NAALADL2: variants seen among roughly 807,000 people sequenced by gnomAD.
NAALADL2 encodes N-acetylated alpha-linked acidic dipeptidase like 2.
Under a neutral mutation model 87.2 loss-of-function variants are expected in NAALADL2, and 76 were observed. The ratio of observed to expected loss-of-function variants is 0.87; its 90% CI spans 0.72 to 1.05. NAALADL2 has a LOEUF of 1.05. Among genes scored for constraint, NAALADL2 ranks in the 50% least tolerant of loss-of-function variants. The probability of loss-of-function intolerance (pLI) is 0.00; values close to 1 mark genes in which losing one functional copy is unlikely to be tolerated. For missense variants in NAALADL2, 1,089 were observed against 945.8 expected, an observed-to-expected ratio of 1.15 and a Z score of -1.99; for synonymous variants, 354 against 331.0, an observed-to-expected ratio of 1.07 and a Z score of -0.75.
In NAALADL2 at chr3:174,936,106, A is replaced by G. The variant is rs541831256; in HGVS notation, c.43+76656A>G. 3.4e-4 allele frequency among the ~76,000 whole-genome samples: 51 copies of G among 152,220 alleles called. 3 individuals are homozygous for G. The South Asian group carries it at 0.011, about 32-fold the overall frequency. On this transcript the variant is annotated intron_variant, in intron 1 of 13. Coordinates refer to ENST00000454872, the MANE Select transcript of NAALADL2 (RefSeq NM_207015.3). ...GGTTGAAAAGGGAATTAATAACTTAATAACTGAAATTTCCATTAAACCTAA... is the reference window on the plus strand; with the variant it reads ...GGTTGAAAAGGGAATTAATAACTTAGTAACTGAAATTTCCATTAAACCTAA...
intron 2 of NAALADL2, among the ~76,000 whole-genome samples, chr3:174,603,522 T>C (rs557731757): frequency 3.2e-4 from 48 of 152,092 alleles, no homozygotes; most frequent in African/African-American, 1.0e-3. Flanking sequence ...GGCTATAAGT[T>C]TATCAATTTT....
intron 5 of NAALADL2, among the ~76,000 whole-genome samples, chr3:175,440,280 G>C (rs1719510208): frequency 6.6e-6 from 1 of 152,080 alleles, no homozygotes; most frequent in South Asian, 2.1e-4. Flanking sequence ...CTGTTTTGGT[G>C]ACTATGGCCT....
rs761595467 is a variant in NAALADL2, at chr3:175,447,338, T to C, written c.1200T>C (p.Asn400=). The change falls in exon 6 of 14, where the codon AAT becomes AAC. Residue 400 remains asparagine, a synonymous_variant. Coordinates refer to ENST00000454872, the MANE Select transcript of NAALADL2 (RefSeq NM_207015.3). ...CTTCGCCAAAAGCTAGAACCAAAAA[T>C]GAAGCGTGTAGCTCTCTAGAGCTTC... ...LISSPKARTK[N]EACSSLELPN... is the part of the protein sequence containing the mutation. 6.3e-7 allele frequency: 1 copy of C among 1,598,646 alleles called. No homozygotes were observed.
chr3:175,368,267 A>G (rs1320878080), intron 5 of NAALADL2, among the ~76,000 whole-genome samples: 5 of 152,130 alleles, frequency 3.3e-5, no homozygotes, highest in Non-Finnish European at 5.9e-5. Flanking sequence ...CCAGTATTTT[A>G]TTGAGGATTT....
chr3:175,284,108 G>A (rs912511563), intron 4 of NAALADL2, among the ~76,000 whole-genome samples: 2 of 151,632 alleles, frequency 1.3e-5, no homozygotes, highest in Non-Finnish European at 2.9e-5. Context: ...AAGAAACACA[G>A]TTATAAGTAA....
chr3:174,603,121 C>G (rs1718624592), intron 2 of NAALADL2, among the ~76,000 whole-genome samples: 1 of 151,894 alleles, frequency 6.6e-6, no homozygotes, highest in African/African-American at 2.4e-5. Flanking sequence ...TAATGTGGGC[C>G]TCATATAATG....
chr3:174,789,795 G>A (rs1042627737), intron 3 of NAALADL2, among the ~76,000 whole-genome samples: 2 of 152,182 alleles, frequency 1.3e-5, no homozygotes, highest in African/African-American at 2.4e-5. Flanking sequence ...GCTAAGTGAA[G>A]TAAACCATGG....
At chr3:175,613,047 G>A (rs776136725) in intron 10 of NAALADL2, among the ~76,000 whole-genome samples, 6 of 152,166 alleles carry the variant, frequency 3.9e-5, no homozygotes, top group Non-Finnish European at 5.9e-5. Context: ...AGACTTTGGC[G>A]TGTCTTTCCC....
intron 5 of NAALADL2, among the ~76,000 whole-genome samples, chr3:175,442,433 T>C (rs1719947826): frequency 6.6e-6 from 1 of 152,122 alleles, no homozygotes. Flanking sequence ...CACAACTTAC[T>C]TATTTTAATG....
At chr3:175,237,559 T>A (rs924242171) in intron 3 of NAALADL2, among the ~76,000 whole-genome samples, 1 of 152,192 alleles carries the variant, frequency 6.6e-6, no homozygotes, top group Non-Finnish European at 1.5e-5. Context: ...ATGTTCGATA[T>A]GTTCGGTAGC....
intron 1 of NAALADL2, among the ~76,000 whole-genome samples, chr3:174,914,801 C>T (rs1734165996): frequency 6.6e-6 from 1 of 152,048 alleles, no homozygotes; most frequent in Admixed American, 6.6e-5. Flanking sequence ...GGAGACAAAA[C>T]AAATTTGATG....
chr3:175,624,155 A>T (rs1187250915), intron 10 of NAALADL2, among the ~76,000 whole-genome samples: 1 of 152,074 alleles, frequency 6.6e-6, no homozygotes, highest in African/African-American at 2.4e-5. Context: ...ACTCATATGC[A>T]GAGTTAATAA....
intron 2 of NAALADL2, among the ~76,000 whole-genome samples, chr3:174,648,035 A>C (rs765085364): frequency 3.9e-5 from 6 of 152,354 alleles, no homozygotes; most frequent in Non-Finnish European, 8.8e-5. Context: ...TGTAAATACA[A>C]TAGTCCCCAC....
intron 1 of NAALADL2, among the ~76,000 whole-genome samples, chr3:174,911,450 G>T (rs1325888844): frequency 1.3e-5 from 2 of 152,148 alleles, no homozygotes; most frequent in Non-Finnish European, 1.5e-5. Flanking sequence ...ACATTGGCAT[G>T]AGGCAGTGGA....
intron 5 of NAALADL2, among the ~76,000 whole-genome samples, chr3:175,398,734 G>T (rs1770163129): frequency 6.6e-6 from 1 of 151,844 alleles, no homozygotes; most frequent in Non-Finnish European, 1.5e-5. Flanking sequence ...TTCCACATGG[G>T]TTTCATTTTA....
chr3:175,115,275 TATTGTGAGCATTG>T (rs1724921689), intron 2 of NAALADL2: 1 of 151,786 alleles, frequency 6.6e-6, no homozygotes, highest in African/African-American at 2.4e-5. Context: ...CTTACTTCTT[TATTGTGAGCATTG>T]ATTTGTTATG....
intron 1 of NAALADL2, among the ~76,000 whole-genome samples, chr3:174,916,904 A>ATTTAATTTTTTATTTC: frequency 1.3e-5 from 2 of 152,114 alleles, no homozygotes; most frequent in South Asian, 4.1e-4. Context: ...TTAAAGTGCA[A>ATTTAATTTTTTATTTC]AATATTTTCA....
chr3:175,153,220 C>G (rs1027788224), intron 2 of NAALADL2, among the ~76,000 whole-genome samples: 4 of 152,146 alleles, frequency 2.6e-5, no homozygotes, highest in Non-Finnish European at 5.9e-5. Flanking sequence ...TGGTGTCTAG[C>G]CTTTCCAGCC....
intron 1 of NAALADL2, among the ~76,000 whole-genome samples, chr3:175,030,562 T>C (rs1248129338): frequency 6.6e-6 from 1 of 152,054 alleles, no homozygotes; most frequent in Non-Finnish European, 1.5e-5. Flanking sequence ...AGTTTCTACA[T>C]TCCCAAGAGC....
Sources: gnomAD v4.1 joint callset for allele counts (sites outside exome capture counted in the v4.1 genomes callset) on GRCh38, gnomAD v4.1.1 for gene constraint, MANE v1.5 for transcripts, NCBI Gene and HGNC (gene_info 2026-07-23, HGNC 2026-07-21) for gene names.